SCN8A: variants seen among roughly 807,000 people sequenced by gnomAD.
SCN8A encodes sodium channel protein type 8 subunit alpha.
A neutral mutation model predicts 184.1 loss-of-function variants in SCN8A; 30 were observed. The observed-to-expected ratio is 0.16, with a 90% CI of 0.12 to 0.22. The LOEUF (loss-of-function observed/expected upper bound fraction) is 0.22. Among genes scored for constraint, SCN8A ranks in the 10% least tolerant of loss-of-function variants. The pLI, the probability that SCN8A is intolerant of heterozygous loss-of-function variation, is 1.00. For synonymous variants in SCN8A, 852 were observed against 907.0 expected (o/e 0.94, Z 1.09); for missense variants, 1,057 against 2,498.9 (o/e 0.42, Z 12.30).
At chr12:51,701,995 G>T (rs936116997) in intron 8 of SCN8A, among the ~76,000 whole-genome samples, 3 of 152,032 alleles carry the variant, frequency 2.0e-5, no homozygotes, top group Non-Finnish European at 4.4e-5. Context: ...CTTGACTTAG[G>T]TTGTCACAGT....
chr12:51,784,266 A>G (rs1402099372), intron 21 of SCN8A, among the ~76,000 whole-genome samples: 1 of 152,104 alleles, frequency 6.6e-6, no homozygotes, highest in Admixed American at 6.6e-5. Flanking sequence ...CGTTTAATCA[A>G]CTCTGGGCTG....
intron 12 of SCN8A, 23 bp from the exon 13 acceptor site, chr12:51,745,880 C>T: frequency 1.3e-6 from 2 of 1,530,532 alleles, no homozygotes; most frequent in South Asian, 1.3e-5. Flanking sequence ...ACTCTATTTG[C>T]TTTTCTTTTT....
chr12:51,673,724 T>C (rs150021403), intron 2 of SCN8A, among the ~76,000 whole-genome samples: 471 of 152,320 alleles, frequency 3.1e-3, no homozygotes, highest in South Asian at 6.4e-3. Flanking sequence ...GAGAAAATCA[T>C]AGTAGATGGA....
At chr12:51,797,995 T>C (rs1410478549) in intron 26 of SCN8A, among the ~76,000 whole-genome samples, 3 of 152,118 alleles carry the variant, frequency 2.0e-5, no homozygotes, top group African/African-American at 7.2e-5. Context: ...GCCACTTCCA[T>C]TTCCACCCCT....
In SCN8A at chr12:51,807,506, T is replaced by C; in HGVS notation, c.*77T>C. 1 of 1,426,710 alleles carries C rather than the reference T, an allele frequency of 7.0e-7. No homozygotes were observed. The highest frequency in any genetic ancestry group is 9.7e-7 in the Non-Finnish European group (1 of 1,035,906). The allele number at this position is 1,426,710 out of a possible 1,614,324, so 88.4% of individuals were successfully genotyped here. On this transcript the variant is annotated 3_prime_UTR_variant, in exon 27 of 27. Transcript: ENST00000627620. The surrounding 1 kb of genome is among the most constrained non-coding windows in gnomAD (Gnocchi z 4.5). ...TTGTTTACAAACTTCCTGAATATTA[T>C]CAATGCAGAACAGCTGTGGAGACTC...
At chr12:51,729,496 G>A (rs970812709) in intron 12 of SCN8A, among the ~76,000 whole-genome samples, 7 of 152,140 alleles carry the variant, frequency 4.6e-5, no homozygotes, top group Non-Finnish European at 7.4e-5. Flanking sequence ...TATACCAGTA[G>A]TTCATTCCTT....
At chr12:51,691,700 G>A (rs529371166) in intron 6 of SCN8A, among the ~76,000 whole-genome samples, 3 of 152,248 alleles carry the variant, frequency 2.0e-5, no homozygotes, top group South Asian at 2.1e-4. Flanking sequence ...ATAGTAAAGC[G>A]AATAATAGAT....
intron 1 of SCN8A, among the ~76,000 whole-genome samples, chr12:51,646,318 A>T (rs1940589534): frequency 6.6e-6 from 1 of 152,254 alleles, no homozygotes; most frequent in Non-Finnish European, 1.5e-5. Context: ...TGTGGGCCAC[A>T]CAGCCTTTTG....
At chr12:51,594,303 CAT>C (rs1221666659) in intron 1 of SCN8A, among the ~76,000 whole-genome samples, 1 of 152,118 alleles carries the variant, frequency 6.6e-6, no homozygotes, top group African/African-American at 2.4e-5. Context: ...AGTTGAAAGA[CAT>C]ATAAATTGGA....
intron 12 of SCN8A, among the ~76,000 whole-genome samples, chr12:51,725,198 A>T (rs1460468798): frequency 6.6e-6 from 1 of 152,236 alleles, no homozygotes; most frequent in Non-Finnish European, 1.5e-5. Context: ...ATTAGAAGCC[A>T]TAAAGAAACT....
chr12:51,615,557 A>C (rs114435984), intron 1 of SCN8A, among the ~76,000 whole-genome samples: 1,822 of 152,246 alleles, frequency 0.012, 37 homozygotes, highest in African/African-American at 0.041. Context: ...TGTCTGAAAC[A>C]AAAACAAAAG....
At chr12:51,754,008 A>G (rs1942635296) in intron 14 of SCN8A, among the ~76,000 whole-genome samples, 1 of 152,038 alleles carries the variant, frequency 6.6e-6, no homozygotes. Context: ...ACATACAGAA[A>G]GATGTTTTTA....
Position 51,788,680 on chromosome 12 carries a change from G to T in SCN8A, c.4228-15G>T. The T allele has an allele frequency of 6.2e-7, 1 of 1,603,470 alleles. No individual in the cohort carries two copies. The highest frequency in any genetic ancestry group is 8.5e-7 in the Non-Finnish European group (1 of 1,173,798). The stretch of plus-strand genomic sequence containing the variant: ...CCTTTATAGGCACCGTCTAATGACT[G>T]ACTCTGTTTGCCAGGCAACCTTCAA... On this transcript the variant is annotated splice_polypyrimidine_tract_variant and intron_variant, in intron 22 of 26. Transcript: ENST00000627620.
chr12:51,628,125 A>C (rs1013782395), intron 1 of SCN8A, among the ~76,000 whole-genome samples: 1 of 152,234 alleles, frequency 6.6e-6, no homozygotes, highest in African/African-American at 2.4e-5. Context: ...TTGTAGGTTT[A>C]GTTTAGGGAA....
intron 14 of SCN8A, among the ~76,000 whole-genome samples, chr12:51,757,052 C>T (rs577992734): frequency 8.1e-4 from 123 of 152,254 alleles, no homozygotes; most frequent in African/African-American, 2.8e-3. Flanking sequence ...ATGGATACTT[C>T]TTTTTAAATA....
intron 26 of SCN8A, among the ~76,000 whole-genome samples, chr12:51,804,457 T>G (rs1938639303): frequency 6.6e-6 from 1 of 151,602 alleles, no homozygotes; most frequent in Non-Finnish European, 1.5e-5. Context: ...TAGCTCGGGT[T>G]ACAGGCATGC....
At chr12:51,682,096 G>A (rs1941344940) in intron 2 of SCN8A, among the ~76,000 whole-genome samples, 1 of 152,202 alleles carries the variant, frequency 6.6e-6, no homozygotes, top group Admixed American at 6.5e-5. Context: ...AGATGATCAT[G>A]TGGTTTTTCT....
intron 22 of SCN8A, among the ~76,000 whole-genome samples, chr12:51,787,456 G>A (rs58503378): frequency 0.027 from 4,145 of 152,248 alleles, 178 homozygotes; most frequent in African/African-American, 0.091. Flanking sequence ...AAAGCTCGTA[G>A]GCTTTGAAAT....
At chr12:51,803,005 T>A (rs946899404) in intron 26 of SCN8A, among the ~76,000 whole-genome samples, 1 of 152,192 alleles carries the variant, frequency 6.6e-6, no homozygotes, top group African/African-American at 2.4e-5. Flanking sequence ...CTGTCAGGGT[T>A]TTCTAGAGGG....
Sources: allele counts gnomAD v4.1 joint callset (sites outside exome capture counted in the v4.1 genomes callset), GRCh38; gene constraint gnomAD v4.1.1; non-coding constraint Gnocchi (gnomAD v3.1); transcripts MANE v1.5; gene names NCBI Gene and HGNC (gene_info 2026-07-23, HGNC 2026-07-21).